The following KIF27 variants were observed in gnomAD, a reference collection of about 807,000 sequenced individuals.
KIF27 encodes the protein kinesin-like protein KIF27.
A neutral mutation model predicts 141.8 loss-of-function variants in KIF27; 84 were observed. That is an observed-to-expected ratio of 0.59 (90% CI 0.50 to 0.71). KIF27 has a LOEUF of 0.71. Among genes scored for constraint, KIF27 ranks in the 30% least tolerant of loss-of-function variants. The pLI, the probability that KIF27 is intolerant of heterozygous loss-of-function variation, is 0.00. For synonymous variants in KIF27, 471 were observed against 569.5 expected (o/e 0.83, Z 2.46); for missense variants, 1,306 against 1,628.4 (o/e 0.80, Z 3.41).
At chr9:83,846,472 C>A (rs563283720) in intron 16 of KIF27, among the ~76,000 whole-genome samples, 26 of 152,286 alleles carry the variant, frequency 1.7e-4, no homozygotes, top group African/African-American at 6.0e-4. Flanking sequence ...TGAAGGTCCC[C>A]ATCATCCTGA....
intron 5 of KIF27, among the ~76,000 whole-genome samples, chr9:83,896,792 G>A (rs117523179): frequency 0.026 from 4,025 of 152,184 alleles, 81 homozygotes; most frequent in South Asian, 0.043. Flanking sequence ...AATGAAAATA[G>A]CATACTAAGT....
intron 11 of KIF27, among the ~76,000 whole-genome samples, chr9:83,872,162 A>G (rs572366390): frequency 5.5e-4 from 83 of 151,842 alleles, no homozygotes; most frequent in Non-Finnish European, 1.1e-3. Context: ...CGTCTCTACT[A>G]AAAATACAAA....
intron 13 of KIF27, among the ~76,000 whole-genome samples, chr9:83,863,139 C>T (rs561167367): frequency 1.3e-5 from 2 of 152,274 alleles, no homozygotes; most frequent in Admixed American, 1.3e-4. Context: ...AATTTGACTT[C>T]CTCTTTTCCT....
intron 9 of KIF27, among the ~76,000 whole-genome samples, chr9:83,886,691 G>A (rs140154095): frequency 7.7e-4 from 118 of 152,266 alleles, no homozygotes; most frequent in African/African-American, 2.8e-3. Flanking sequence ...CAGAGGTCAA[G>A]GCTGCAGTGA....
intron 1 of KIF27, among the ~76,000 whole-genome samples, chr9:83,916,971 T>C (rs79698728): frequency 1.3e-5 from 2 of 149,970 alleles, no homozygotes; most frequent in East Asian, 3.9e-4. Flanking sequence ...CAGAACACTC[T>C]TTTTTTTTTA....
chr9:83,901,308 C>A (rs563263655), intron 4 of KIF27, among the ~76,000 whole-genome samples: 93 of 152,238 alleles, frequency 6.1e-4, no homozygotes, highest in Non-Finnish European at 9.0e-4. Context: ...AAGATAGTTT[C>A]AAATCTCATA....
chr9:83,880,145 T>A (rs1951554160), intron 11 of KIF27, 152 bp downstream of exon 11: 6 of 1,162,546 alleles, frequency 5.2e-6, no homozygotes, highest in Non-Finnish European at 7.2e-6. Flanking sequence ...ACTACGTAGA[T>A]GAACAAAGCT....
rs1241277713 is a variant in KIF27, at chr9:83,835,416, G to A, written c.*1585C>T. On this transcript the variant is annotated 3_prime_UTR_variant, in exon 18 of 18. Transcript: ENST00000297814. ...GAAATTTAGAAAATAGTATCTCATT[G>A]GACCAATATTTATAAATTGTTTCAT... The A allele has an allele frequency of 3.3e-5, 5 of 151,826 alleles. No individual in the cohort carries two copies. Among genetic ancestry groups the A allele is most frequent in the Non-Finnish European group, 5.9e-5 (4 of 67,964 alleles). 9.4% of individuals were successfully genotyped at this position (151,826 alleles called of 1,614,324 possible).
intron 4 of KIF27, among the ~76,000 whole-genome samples, chr9:83,902,237 C>T (rs1953989728): frequency 6.6e-6 from 1 of 152,062 alleles, no homozygotes; most frequent in South Asian, 2.1e-4. Flanking sequence ...AACTATATTT[C>T]CTTTTTAACT....
chr9:83,900,182 A>G (rs1287528220), intron 4 of KIF27, among the ~76,000 whole-genome samples: 1 of 151,964 alleles, frequency 6.6e-6, no homozygotes, highest in African/African-American at 2.4e-5. Context: ...GGTTATAAGA[A>G]TACATTAGGG....
At chr9:83,877,547 A>G (rs1951301880) in intron 11 of KIF27, among the ~76,000 whole-genome samples, 1 of 152,144 alleles carries the variant, frequency 6.6e-6, no homozygotes, top group South Asian at 2.1e-4. Flanking sequence ...AAAAGCAAAA[A>G]CCATAAAACT....
chr9:83,892,497 T>C (rs1489179855), intron 5 of KIF27, among the ~76,000 whole-genome samples: 1 of 151,282 alleles, frequency 6.6e-6, no homozygotes, highest in Non-Finnish European at 1.5e-5. Flanking sequence ...AAATAACCAA[T>C]GATCCAAAAG....
At chr9:83,911,489 A>G (rs1448415636) in intron 2 of KIF27, among the ~76,000 whole-genome samples, 4 of 151,994 alleles carry the variant, frequency 2.6e-5, no homozygotes, top group Admixed American at 6.6e-5. Flanking sequence ...TCGACCTCCC[A>G]AAGTGCTGAG....
At chr9:83,870,421 C>T (rs969976423) in intron 12 of KIF27, 98 bp downstream of exon 12, 37 of 1,513,382 alleles carry the variant, frequency 2.4e-5, no homozygotes, top group East Asian at 2.4e-4. Context: ...CCCACCTCGG[C>T]GTCCCAAAGT....
intron 13 of KIF27, among the ~76,000 whole-genome samples, chr9:83,863,196 G>C (rs1454922164): frequency 1.3e-5 from 2 of 152,126 alleles, no homozygotes; most frequent in East Asian, 1.9e-4. Flanking sequence ...GCCCTGGCCA[G>C]AACTTCCAAC....
chr9:83,860,711 T>C (rs918669641), intron 13 of KIF27, among the ~76,000 whole-genome samples: 16 of 152,178 alleles, frequency 1.1e-4, no homozygotes, highest in Non-Finnish European at 2.1e-4. Flanking sequence ...GGAGCATCCA[T>C]CCTCCTGCTC....
chr9:83,868,214 G>A (rs1478075453), intron 12 of KIF27: 1 of 163,070 alleles, frequency 6.1e-6, no homozygotes, highest in African/African-American at 2.4e-5. Context: ...TTACACTGGT[G>A]GCTGCCCTAC....
Position 83,891,497 on chromosome 9 carries a change from T to C in KIF27, c.1607A>G (p.Glu536Gly). 1 of 1,607,694 alleles carries C rather than the reference T, an allele frequency of 6.2e-7. No individual in the cohort carries two copies. Among genetic ancestry groups the C allele is most frequent in the South Asian group, 1.1e-5 (1 of 90,506 alleles). Residue 536 changes from glutamate (E) to glycine (G), a missense_variant, in exon 6 of 18, where the codon GAA (glutamate) becomes GGA (glycine). By Grantham distance (98) the Glu-to-Gly change is moderately conservative (BLOSUM62 -2). Transcript: ENST00000297814. ...EAQKVNRLQN[E>G]KIIEQQLLVD... ...AAGAAGTTGTTGTTCTATTATTTTT[T>C]CATTCTTTGTAGAAGAGAGATGAAA...
intron 10 of KIF27, among the ~76,000 whole-genome samples, chr9:83,881,615 T>C (rs1217586681): frequency 3.3e-5 from 5 of 152,274 alleles, no homozygotes; most frequent in East Asian, 1.9e-4. Flanking sequence ...GTGCAATGAC[T>C]GACCTTTATC....
Sources: gnomAD v4.1 joint callset for allele counts (sites outside exome capture counted in the v4.1 genomes callset) on GRCh38, gnomAD v4.1.1 for gene constraint, MANE v1.5 for transcripts, NCBI Gene and HGNC (gene_info 2026-07-23, HGNC 2026-07-21) for gene names.